The following KCND3 variants were observed in gnomAD, a reference collection of about 807,000 sequenced individuals.
KCND3 encodes the protein potassium voltage-gated channel subfamily D member 3.
A neutral mutation model predicts 51.1 loss-of-function variants in KCND3; 9 were observed. The ratio of observed to expected loss-of-function variants is 0.18; its 90% CI spans 0.11 to 0.31. KCND3 has a LOEUF of 0.31. KCND3 is among the 10% of genes least tolerant of loss of function. The probability of loss-of-function intolerance (pLI) is 1.00; values close to 1 mark genes in which losing one functional copy is unlikely to be tolerated. For missense variants in KCND3, 526 were observed against 903.8 expected, an observed-to-expected ratio of 0.58 and a Z score of 5.36; for synonymous variants, 349 against 368.0, an observed-to-expected ratio of 0.95 and a Z score of 0.59.
chr1:111,808,778 A>G (rs1665696886), intron 2 of KCND3, among the ~76,000 whole-genome samples: 1 of 152,232 alleles, frequency 6.6e-6, no homozygotes, highest in South Asian at 2.1e-4. Context: ...CCCCAGCTCC[A>G]AGAGGAGACT....
At chr1:111,820,660 A>G (rs1045288596) in intron 2 of KCND3, among the ~76,000 whole-genome samples, 3 of 152,140 alleles carry the variant, frequency 2.0e-5, no homozygotes, top group Non-Finnish European at 4.4e-5. Context: ...GTGTCTTCCA[A>G]AAAGATGTAT....
intron 2 of KCND3, among the ~76,000 whole-genome samples, chr1:111,908,626 C>G (rs938450304): frequency 6.6e-6 from 1 of 152,154 alleles, no homozygotes; most frequent in African/African-American, 2.4e-5. Context: ...CTGCCCAGAC[C>G]CCCTCCCTCC....
At chr1:111,911,026 T>C (rs1391208134) in intron 2 of KCND3, 1 of 152,216 alleles carries the variant, frequency 6.6e-6, no homozygotes, top group Non-Finnish European at 1.5e-5. Context: ...TCTGGCCCCC[T>C]TGCCATCAGC....
At chr1:111,951,131 T>C (rs994875671) in intron 2 of KCND3, among the ~76,000 whole-genome samples, 14 of 130,204 alleles carry the variant, frequency 1.1e-4, no homozygotes, top group Non-Finnish European at 2.0e-4. Flanking sequence ...GATCACGCCA[T>C]TGCACTCCAG....
At chr1:111,881,797 C>A (rs555400809) in intron 2 of KCND3, among the ~76,000 whole-genome samples, 7 of 152,170 alleles carry the variant, frequency 4.6e-5, no homozygotes, top group Non-Finnish European at 7.3e-5. Flanking sequence ...AACTATAGTA[C>A]CCCACAACTG....
intron 2 of KCND3, among the ~76,000 whole-genome samples, chr1:111,913,113 T>C (rs1293633526): frequency 7.1e-6 from 1 of 141,212 alleles, no homozygotes; most frequent in Non-Finnish European, 1.6e-5. Context: ...CATTTTTTAT[T>C]TTTATACTGT....
Position 111,829,873 on chromosome 1 carries a change from C to T in KCND3, c.1107-42767G>A, listed in dbSNP as rs11587657. Among the ~76,000 whole-genome samples the T allele has an allele frequency of 2.0e-5, 3 of 152,212 alleles. 1 individual carries two copies. Among genetic ancestry groups the T allele is most frequent in the East Asian group, 3.8e-4 (2 of 5,200 alleles). On this transcript the variant is annotated intron_variant, in intron 2 of 7. Coordinates refer to ENST00000302127, the MANE Select transcript of KCND3 (RefSeq NM_001378969.1). ...TAGACCCGACTGCCTGAGGTGGAAG[C>T]TGGGCATCACCTTTGATTTCTCCCA... is the stretch of plus-strand genomic sequence containing the variant.
At chr1:111,838,618 C>T (rs1328654327) in intron 2 of KCND3, among the ~76,000 whole-genome samples, 1 of 152,086 alleles carries the variant, frequency 6.6e-6, no homozygotes, top group Non-Finnish European at 1.5e-5. Context: ...GATCGCACCA[C>T]TGCACTCCAG....
At chr1:111,803,991 G>A (rs1328970399) in intron 2 of KCND3, among the ~76,000 whole-genome samples, 2 of 152,174 alleles carry the variant, frequency 1.3e-5, no homozygotes, top group Non-Finnish European at 2.9e-5. Flanking sequence ...GCAGGGCTGT[G>A]TCTTATGCTA....
rs377356478 is a variant in KCND3, at chr1:111,778,418, A to G, written c.1518+18T>C. 1.4e-5 allele frequency: 23 copies of G among 1,610,062 alleles called. No homozygotes were observed. The highest frequency in any genetic ancestry group is 1.8e-5 in the Non-Finnish European group (21 of 1,176,454). ...TATCAGAGAGAAAAACATCAATTGA[A>G]TTTTTAAAAAGTTATACCTTGATGG... On this transcript the variant is annotated intron_variant, in intron 6 of 7. Coordinates refer to ENST00000302127, the MANE Select transcript of KCND3 (RefSeq NM_001378969.1).
intron 2 of KCND3, among the ~76,000 whole-genome samples, chr1:111,932,012 C>T (rs1671996762): frequency 6.6e-6 from 1 of 152,206 alleles, no homozygotes; most frequent in African/African-American, 2.4e-5. Flanking sequence ...AATGGGCCTC[C>T]CTGGGTTAGC....
chr1:111,785,622 A>T (rs1299993645), intron 3 of KCND3, among the ~76,000 whole-genome samples: 1 of 152,192 alleles, frequency 6.6e-6, no homozygotes, highest in African/African-American at 2.4e-5. Flanking sequence ...TGGATTCACT[A>T]CACAATTATA....
intron 2 of KCND3, among the ~76,000 whole-genome samples, chr1:111,921,574 G>A (rs376527651): frequency 9.8e-5 from 15 of 152,296 alleles, no homozygotes; most frequent in African/African-American, 2.6e-4. Context: ...CAGCAGCAGC[G>A]CCAATCATGA....
intron 2 of KCND3, among the ~76,000 whole-genome samples, chr1:111,892,670 A>G (rs1012415273): frequency 6.6e-6 from 1 of 152,244 alleles, no homozygotes; most frequent in Admixed American, 6.5e-5. Flanking sequence ...CACGCAGAGA[A>G]TAACAATGGG....
intron 2 of KCND3, among the ~76,000 whole-genome samples, chr1:111,874,575 A>C (rs1668965479): frequency 6.6e-6 from 1 of 152,308 alleles, no homozygotes; most frequent in Admixed American, 6.5e-5. Flanking sequence ...GTGCAATCTT[A>C]TACTTCTTAC....
At chr1:111,844,891 C>T (rs1213938729) in intron 2 of KCND3, among the ~76,000 whole-genome samples, 3 of 152,228 alleles carry the variant, frequency 2.0e-5, no homozygotes, top group African/African-American at 7.2e-5. Context: ...CTTCATCAGA[C>T]ATCTTCTTCA....
At chr1:111,819,841 A>T (rs942446929) in intron 2 of KCND3, among the ~76,000 whole-genome samples, 1 of 152,126 alleles carries the variant, frequency 6.6e-6, no homozygotes, top group African/African-American at 2.4e-5. Context: ...GTCCAAGGTG[A>T]CCGGCCAAGC....
intron 2 of KCND3, among the ~76,000 whole-genome samples, chr1:111,834,125 C>T (rs928669977): frequency 3.9e-5 from 6 of 152,166 alleles, no homozygotes; most frequent in African/African-American, 1.4e-4. Context: ...AAGGATTTGA[C>T]CAGTGAAGGG....
intron 2 of KCND3, among the ~76,000 whole-genome samples, chr1:111,942,591 G>A (rs996029565): frequency 2.6e-5 from 4 of 152,180 alleles, no homozygotes; most frequent in Non-Finnish European, 5.9e-5. Flanking sequence ...AGCCCCTCCT[G>A]CCCTCCGGAT....
Sources: gnomAD v4.1 joint callset for allele counts (sites outside exome capture counted in the v4.1 genomes callset) on GRCh38, gnomAD v4.1.1 for gene constraint, MANE v1.5 for transcripts, NCBI Gene and HGNC (gene_info 2026-07-23, HGNC 2026-07-21) for gene names.